The following RRM2B variants were observed in gnomAD, a reference collection of about 807,000 sequenced individuals.
The protein encoded by RRM2B is ribonucleoside-diphosphate reductase subunit M2 B.
RRM2B carries 20 observed loss-of-function variants against 45.9 expected under a neutral mutation model. The ratio of observed to expected loss-of-function variants is 0.44; its 90% CI spans 0.31 to 0.63. The LOEUF is 0.63. Among genes scored for constraint, RRM2B ranks in the 30% least tolerant of loss-of-function variants. The pLI is 0.09. For synonymous variants in RRM2B, 124 were observed against 132.3 expected, an observed-to-expected ratio of 0.94 and a Z score of 0.43; for missense variants, 320 against 414.7, an observed-to-expected ratio of 0.77 and a Z score of 1.98.
chr8:102,216,404 T>A (rs1197851801), intron 6 of RRM2B, among the ~76,000 whole-genome samples: 5 of 152,150 alleles, frequency 3.3e-5, no homozygotes, highest in Non-Finnish European at 5.9e-5. Flanking sequence ...AGGTTTTGTA[T>A]GTTAAAAGAA....
intron 1 of RRM2B, among the ~76,000 whole-genome samples, chr8:102,233,364 A>AT (rs1461148593): frequency 3.3e-5 from 5 of 152,184 alleles, no homozygotes; most frequent in African/African-American, 4.8e-5. Flanking sequence ...GATGGTCTTG[A>AT]TTTTAACTAC....
intron 2 of RRM2B, among the ~76,000 whole-genome samples, chr8:102,229,855 G>A (rs7835361): frequency 0.09 from 13,728 of 152,096 alleles, 667 homozygotes; most frequent in Non-Finnish European, 0.1. Flanking sequence ...AAAGTGCTTG[G>A]ATTACAGGTG....
intron 8 of RRM2B, among the ~76,000 whole-genome samples, chr8:102,209,724 CAACTT>C (rs1490409271): frequency 6.6e-6 from 1 of 152,122 alleles, no homozygotes; most frequent in Admixed American, 6.5e-5. Context: ...AAAGAGGAAA[CAACTT>C]AAATGTCCAT....
chr8:102,225,860 CATT>C, intron 3 of RRM2B, 55 bp downstream of exon 3: 4 of 902,532 alleles, frequency 4.4e-6, no homozygotes, highest in Non-Finnish European at 7.5e-6. Context: ...ATCTTACTGA[CATT>C]ATCATCATTT....
At chr8:102,222,751 A>G (rs1163351629) in intron 5 of RRM2B, among the ~76,000 whole-genome samples, 1 of 152,236 alleles carries the variant, frequency 6.6e-6, no homozygotes, top group Admixed American at 6.5e-5. Flanking sequence ...AAAGGCAGAT[A>G]TGGTACTCCA....
At chr8:102,218,998 C>T (rs1563662508) in intron 5 of RRM2B, 51 bp from the exon 6 acceptor site, 3 of 1,509,890 alleles carry the variant, frequency 2.0e-6, no homozygotes, top group South Asian at 2.2e-5. Context: ...CAAACATTTG[C>T]ATATATATAT....
At chr8:102,213,566 G>A (rs16869276) in intron 7 of RRM2B, among the ~76,000 whole-genome samples, 8,145 of 152,038 alleles carry the variant, frequency 0.054, 256 homozygotes, top group Middle Eastern at 0.14. Context: ...CCTAAGTAGC[G>A]CATCTAGCTC....
In RRM2B at chr8:102,238,427, C is replaced by CA. The variant is rs1811162038; in HGVS notation, c.48+399dup. 3 of 749,754 alleles carry CA rather than the reference C, an allele frequency of 4.0e-6. 1 individual carries two copies. The highest frequency in any genetic ancestry group is 5.6e-6 in the Non-Finnish European group (3 of 532,824). 46.4% of individuals were successfully genotyped at this position (749,754 alleles called of 1,614,324 possible). On this transcript the variant is annotated intron_variant, in intron 1 of 8. Transcript: ENST00000251810. ...GTTCTCCAACTCCTTGTCACCATCC[C>CA]AAATGGTATGCACCTCTCCAGCAGA...
At chr8:102,210,833 C>T (rs1453896648) in intron 8 of RRM2B, among the ~76,000 whole-genome samples, 1 of 151,740 alleles carries the variant, frequency 6.6e-6, no homozygotes, top group Non-Finnish European at 1.5e-5. Flanking sequence ...CTCCTGGGGT[C>T]GAGCAATCCT....
intron 2 of RRM2B, among the ~76,000 whole-genome samples, chr8:102,231,371 G>A (rs903653612): frequency 6.6e-6 from 1 of 152,174 alleles, no homozygotes; most frequent in African/African-American, 2.4e-5. Context: ...TGGCTGACTC[G>A]GGAGTGAGTC....
At chr8:102,211,299 C>T (rs569169713) in intron 8 of RRM2B, among the ~76,000 whole-genome samples, 38 of 152,290 alleles carry the variant, frequency 2.5e-4, no homozygotes, top group African/African-American at 6.0e-4. Flanking sequence ...CCTGGCCTAA[C>T]GGATATATTT....
At position 102,238,925 on chromosome 8, in the gene RRM2B, G is replaced by T; in HGVS notation, c.-51C>A. On this transcript the variant is annotated 5_prime_UTR_variant, in exon 1 of 9. Transcript: ENST00000251810. ...GCGCTGAGGGAACTGAGCTCCTCAG[G>T]CCACCTCCAACTACGACAGCACCCA... is the stretch of plus-strand genomic sequence containing the variant. 1 of 1,588,616 alleles carries T rather than the reference G, an allele frequency of 6.3e-7. No homozygotes were observed. Among genetic ancestry groups the T allele is most frequent in the Non-Finnish European group, 8.6e-7 (1 of 1,167,682 alleles).
chr8:102,209,685 T>C (rs1243151789), intron 8 of RRM2B, among the ~76,000 whole-genome samples: 2 of 152,234 alleles, frequency 1.3e-5, no homozygotes, highest in African/African-American at 4.8e-5. Flanking sequence ...TAAATGAACG[T>C]TCATAGTAGC....
intron 1 of RRM2B, chr8:102,238,350 C>T (rs28999670): frequency 8.4e-4 from 310 of 368,114 alleles, no homozygotes; most frequent in African/African-American, 6.1e-3. Context: ...GATTTCGTGT[C>T]CCCTTCTACC....
intron 4 of RRM2B, 23 bp downstream of exon 4, chr8:102,224,862 T>C: frequency 6.2e-7 from 1 of 1,610,618 alleles, no homozygotes; most frequent in Non-Finnish European, 8.5e-7. Flanking sequence ...AGCAATATTT[T>C]GTAAATAAAA....
At position 102,205,149 on chromosome 8, in the gene RRM2B, T is replaced by G. The variant is rs1810522433; in HGVS notation, c.*2984A>C. 6.6e-6 allele frequency: 1 copy of G among 152,218 alleles called. No individual in the cohort carries two copies. The highest frequency in any genetic ancestry group is 1.5e-5 in the Non-Finnish European group (1 of 68,020). 9.4% of individuals were successfully genotyped at this position (152,218 alleles called of 1,614,324 possible). A position where few individuals can be genotyped will look rare whatever the true frequency, so the allele number is the denominator to read the frequency against. On this transcript the variant is annotated 3_prime_UTR_variant, in exon 9 of 9. Transcript: ENST00000251810. ...ACATAATACCTGATTGTAGGATTAA[T>G]TTGGCTTTTATTTAGCCCATCTGCA...
At chr8:102,211,152 C>T (rs1302153768) in intron 8 of RRM2B, among the ~76,000 whole-genome samples, 1 of 150,268 alleles carries the variant, frequency 6.7e-6, no homozygotes, top group Non-Finnish European at 1.5e-5. Context: ...ACTGGGACTA[C>T]AGGCATGCCA....
rs72554100 is a variant in RRM2B, at chr8:102,218,965, G to A, written c.551-18C>T. 622 of 1,611,174 alleles carry A rather than the reference G, an allele frequency of 3.9e-4. 2 individuals are homozygous for A. Among genetic ancestry groups the A allele is most frequent in the Middle Eastern group, 5.0e-4 (3 of 6,058 alleles). ...TCTTTCCCCTGGGAGACATAAAATC[G>A]TTTCAATTTTTGAAATATACTGCAA... On this transcript the variant is annotated intron_variant, in intron 5 of 8. Transcript: ENST00000251810.
At chr8:102,209,769 A>G (rs28927374) in intron 8 of RRM2B, among the ~76,000 whole-genome samples, 86 of 152,002 alleles carry the variant, frequency 5.7e-4, no homozygotes, top group East Asian at 3.1e-3. Context: ...TGGTATATCC[A>G]TACAGTGGAA....
Sources: allele counts gnomAD v4.1 joint callset (sites outside exome capture counted in the v4.1 genomes callset), GRCh38; gene constraint gnomAD v4.1.1; transcripts MANE v1.5; gene names NCBI Gene and HGNC (gene_info 2026-07-23, HGNC 2026-07-21).